The following KIF21A variants were observed in gnomAD, a reference collection of about 807,000 sequenced individuals.
KIF21A encodes kinesin-like protein KIF21A.
A neutral mutation model predicts 202.9 loss-of-function variants in KIF21A; 114 were observed. The ratio of observed to expected loss-of-function variants is 0.56; its 90% CI spans 0.48 to 0.66. The LOEUF (loss-of-function observed/expected upper bound fraction) is 0.66. Ranked by LOEUF, KIF21A falls within the 30% of genes least tolerant of loss-of-function variation. The probability of loss-of-function intolerance (pLI) is 0.00; values close to 1 mark genes in which losing one functional copy is unlikely to be tolerated. For missense variants in KIF21A, 1,677 were observed against 1,994.9 expected, an observed-to-expected ratio of 0.84 and a Z score of 3.04; for synonymous variants, 667 against 670.8, an observed-to-expected ratio of 0.99 and a Z score of 0.09.
At chr12:39,348,203 C>A (rs945169763) in intron 11 of KIF21A, among the ~76,000 whole-genome samples, 1 of 152,008 alleles carries the variant, frequency 6.6e-6, no homozygotes. Flanking sequence ...TAATCTAACA[C>A]CTCTCCATAA....
chr12:39,409,333 A>AAT (rs1377161509), intron 1 of KIF21A, among the ~76,000 whole-genome samples: 3 of 151,384 alleles, frequency 2.0e-5, no homozygotes, highest in African/African-American at 7.3e-5. Flanking sequence ...CAGCCTAGGC[A>AAT]ATATAGTGAG....
Position 39,304,939 on chromosome 12 carries a change from CT to C in KIF21A, c.4443-2del. On this transcript the variant is annotated splice_acceptor_variant, in intron 34 of 37. Transcript: ENST00000361418. LOFTEE classifies it high-confidence loss of function. ...TGTTAACTTTCCTGTAGACTGAAAC[CT>C]TTAAAAATAAAGAAAAATAGTTTTG... 1.4e-6 allele frequency: 2 copies of C among 1,447,024 alleles called. No homozygotes were observed. Among genetic ancestry groups the C allele is most frequent in the Non-Finnish European group, 1.9e-6 (2 of 1,030,544 alleles). 89.6% of individuals were successfully genotyped at this position (1,447,024 alleles called of 1,614,324 possible). A position where few individuals can be genotyped will look rare whatever the true frequency, so the allele number is the denominator to read the frequency against.
At chr12:39,350,012 T>C (rs1262304504) in intron 11 of KIF21A, among the ~76,000 whole-genome samples, 2 of 151,984 alleles carry the variant, frequency 1.3e-5, no homozygotes, top group Non-Finnish European at 2.9e-5. Context: ...ATAGGTGTAT[T>C]AATTTTTAGA....
intron 1 of KIF21A, among the ~76,000 whole-genome samples, chr12:39,397,325 G>A (rs1951830102): frequency 1.3e-5 from 2 of 152,042 alleles, no homozygotes; most frequent in South Asian, 2.1e-4. Context: ...AAATTATAAT[G>A]TCTACAGCAG....
At position 39,331,678 on chromosome 12, in the gene KIF21A, G is replaced by T; in HGVS notation, c.3153+12C>A. The T allele has an allele frequency of 6.4e-7, 1 of 1,557,682 alleles. No homozygotes were observed. Among genetic ancestry groups the T allele is most frequent in the Non-Finnish European group, 8.9e-7 (1 of 1,128,546 alleles). On this transcript the variant is annotated intron_variant, in intron 22 of 37. Coordinates refer to ENST00000361418, the MANE Select transcript of KIF21A (RefSeq NM_001173464.2). ...AACTTAGATTTTCAGTAACAGTGTGGTTGTATCTTACCTTATTGATGCCCA... is the reference window on the plus strand; with the variant it reads ...AACTTAGATTTTCAGTAACAGTGTGTTTGTATCTTACCTTATTGATGCCCA...
At chr12:39,439,003 C>CAA (rs1196660667) in intron 1 of KIF21A, among the ~76,000 whole-genome samples, 2 of 152,250 alleles carry the variant, frequency 1.3e-5, no homozygotes, top group Admixed American at 6.5e-5. Flanking sequence ...GCCATCCATT[C>CAA]AACTTACCAC....
At chr12:39,421,697 TAAA>T (rs1453129916) in intron 1 of KIF21A, among the ~76,000 whole-genome samples, 1 of 142,012 alleles carries the variant, frequency 7.0e-6, no homozygotes, top group Non-Finnish European at 1.5e-5. Context: ...CATCTCAAAA[TAAA>T]TAAATAAATA....
At chr12:39,343,919 T>G (rs972899973) in intron 12 of KIF21A, among the ~76,000 whole-genome samples, 1 of 152,170 alleles carries the variant, frequency 6.6e-6, no homozygotes, top group Non-Finnish European at 1.5e-5. Flanking sequence ...ATGTGTCTCA[T>G]GCACTAGCTC....
At chr12:39,382,336 T>A (rs555288107) in intron 1 of KIF21A, among the ~76,000 whole-genome samples, 2 of 152,210 alleles carry the variant, frequency 1.3e-5, no homozygotes, top group South Asian at 4.2e-4. Flanking sequence ...ATAGAAAAAA[T>A]TCCTGCACAT....
chr12:39,410,127 GTCC>G (rs1238686722), intron 1 of KIF21A, among the ~76,000 whole-genome samples: 1 of 152,176 alleles, frequency 6.6e-6, no homozygotes, highest in Non-Finnish European at 1.5e-5. Context: ...CACCGCACTT[GTCC>G]TCTGCTGACT....
At chr12:39,426,548 T>C (rs949081731) in intron 1 of KIF21A, among the ~76,000 whole-genome samples, 22 of 152,090 alleles carry the variant, frequency 1.4e-4, no homozygotes, top group African/African-American at 4.8e-4. Flanking sequence ...ATGGGACTTA[T>C]ATCATTATTA....
At chr12:39,433,208 G>A (rs1289996558) in intron 1 of KIF21A, among the ~76,000 whole-genome samples, 1 of 151,756 alleles carries the variant, frequency 6.6e-6, no homozygotes, top group Non-Finnish European at 1.5e-5. Context: ...CATTAGACAG[G>A]CTTACAAGAT....
intron 5 of KIF21A, 140 bp from the exon 6 acceptor site, chr12:39,366,657 C>T (rs1412174105): frequency 2.9e-6 from 2 of 681,474 alleles, no homozygotes; most frequent in East Asian, 5.4e-5. Context: ...TCAAAAATGT[C>T]TGCTGGCAAT....
chr12:39,361,039 G>A (rs530742459), intron 7 of KIF21A, among the ~76,000 whole-genome samples: 1 of 152,302 alleles, frequency 6.6e-6, no homozygotes, highest in East Asian at 1.9e-4. Flanking sequence ...CATCTCCTTT[G>A]AGGGGTTACC....
intron 1 of KIF21A, among the ~76,000 whole-genome samples, chr12:39,400,291 T>C (rs1423796500): frequency 2.0e-5 from 3 of 152,200 alleles, no homozygotes; most frequent in Admixed American, 2.0e-4. Flanking sequence ...CTTCAACTTC[T>C]ATTTTACATT....
chr12:39,436,995 G>T (rs938964383), intron 1 of KIF21A, among the ~76,000 whole-genome samples: 3 of 152,096 alleles, frequency 2.0e-5, no homozygotes, highest in African/African-American at 7.2e-5. Context: ...CTCAGATTAT[G>T]TCAGGCCACA....
intron 6 of KIF21A, among the ~76,000 whole-genome samples, chr12:39,363,967 G>A (rs1202045104): frequency 6.6e-6 from 1 of 152,180 alleles, no homozygotes; most frequent in Non-Finnish European, 1.5e-5. Context: ...GCAGTGAGCT[G>A]GGATTGCACC....
At chr12:39,340,793 A>G in intron 15 of KIF21A, 113 bp downstream of exon 15, 1 of 760,660 alleles carries the variant, frequency 1.3e-6, no homozygotes. Context: ...AAACAAATAA[A>G]TAACAAAAAA....
intron 1 of KIF21A, among the ~76,000 whole-genome samples, chr12:39,371,163 G>T (rs1235818082): frequency 1.3e-5 from 2 of 152,100 alleles, no homozygotes; most frequent in Admixed American, 1.3e-4. Context: ...TTATTTTTCT[G>T]AATATTTTCA....
Sources: allele counts gnomAD v4.1 joint callset (sites outside exome capture counted in the v4.1 genomes callset), GRCh38; gene constraint gnomAD v4.1.1; transcripts MANE v1.5; gene names NCBI Gene and HGNC (gene_info 2026-07-23, HGNC 2026-07-21).